The following ODF2L variants were observed in gnomAD, a reference collection of about 807,000 sequenced individuals.
The protein encoded by ODF2L is outer dense fiber of sperm tails 2 like, also known as protein BCAP.
ODF2L carries 76 observed loss-of-function variants against 86.3 expected under a neutral mutation model. The ratio of observed to expected loss-of-function variants is 0.88; its 90% confidence interval spans 0.73 to 1.07. The LOEUF (loss-of-function observed/expected upper bound fraction) is 1.07, where lower values mean the gene tolerates loss of function less well. Ranked by LOEUF, ODF2L falls within the 50% of genes least tolerant of loss-of-function variation. The pLI is 0.00. For missense variants in ODF2L, 748 were observed against 717.4 expected (o/e 1.04, Z -0.49); for synonymous variants, 241 against 231.3 (o/e 1.04, Z -0.38).
chr1:86,394,479 A>G (rs149704552), intron 1 of ODF2L, among the ~76,000 whole-genome samples: 2 of 152,292 alleles, frequency 1.3e-5, no homozygotes, highest in East Asian at 3.9e-4. Flanking sequence ...AAAGTAACAC[A>G]CAAACTTGCC....
intron 10 of ODF2L, among the ~76,000 whole-genome samples, chr1:86,370,594 C>T (rs1020771879): frequency 7.9e-5 from 12 of 152,002 alleles, no homozygotes; most frequent in African/African-American, 2.9e-4. Flanking sequence ...AAGCTTCTCC[C>T]CTGTCTCTCC....
exon 18 of ODF2L, chr1:86,350,411 T>C (rs1282223977): frequency 6.6e-6 from 1 of 152,168 alleles, no homozygotes; most frequent in Non-Finnish European, 1.5e-5. Flanking sequence ...GCTTCATCCA[T>C]GTCCCTGCAA....
At chr1:86,367,489 G>C (rs1227292712) in intron 11 of ODF2L, among the ~76,000 whole-genome samples, 1 of 150,070 alleles carries the variant, frequency 6.7e-6, no homozygotes, top group Non-Finnish European at 1.5e-5. Flanking sequence ...AAGGCCCAAA[G>C]TAGAAGAAAT....
chr1:86,350,105 T>G (rs751247418), exon 18 of ODF2L: 46 of 320,160 alleles, frequency 1.4e-4, no homozygotes, highest in Non-Finnish European at 2.0e-4. Context: ...CAGATCTTTA[T>G]TTTTTTTAAT....
chr1:86,377,019 C>T (rs1320004096), intron 7 of ODF2L, among the ~76,000 whole-genome samples: 1 of 152,230 alleles, frequency 6.6e-6, no homozygotes. Flanking sequence ...TCATCTGAGA[C>T]AAGGCAAGTC....
At chr1:86,362,674 C>A (rs1036892312) in intron 11 of ODF2L, among the ~76,000 whole-genome samples, 1 of 151,866 alleles carries the variant, frequency 6.6e-6, no homozygotes, top group East Asian at 1.9e-4. Context: ...CTTTTCTTTT[C>A]TTTTTGAGGC....
chr1:86,373,760 T>C (rs1659978412), intron 8 of ODF2L, among the ~76,000 whole-genome samples: 1 of 152,156 alleles, frequency 6.6e-6, no homozygotes, highest in Non-Finnish European at 1.5e-5. Context: ...TTTGCTATAA[T>C]GACGCCAAGA....
At chr1:86,362,124 A>T (rs1659079885) in intron 11 of ODF2L, among the ~76,000 whole-genome samples, 1 of 152,124 alleles carries the variant, frequency 6.6e-6, no homozygotes, top group Admixed American at 6.6e-5. Flanking sequence ...AGGTAGAAAT[A>T]GAGAAAAAAG....
intron 7 of ODF2L, among the ~76,000 whole-genome samples, chr1:86,378,260 C>T (rs998483614): frequency 6.6e-6 from 1 of 152,194 alleles, no homozygotes; most frequent in African/African-American, 2.4e-5. Flanking sequence ...AGTTCCTCAT[C>T]TCTATCTGAG....
At chr1:86,387,980 ATTAT>A (rs1558063394) in intron 1 of ODF2L, among the ~76,000 whole-genome samples, 1 of 152,088 alleles carries the variant, frequency 6.6e-6, no homozygotes, top group East Asian at 1.9e-4. Flanking sequence ...CAGGTTGAAG[ATTAT>A]TTAAATTAGC....
At chr1:86,390,049 C>T (rs1661209511) in intron 1 of ODF2L, among the ~76,000 whole-genome samples, 1 of 152,138 alleles carries the variant, frequency 6.6e-6, no homozygotes, top group Non-Finnish European at 1.5e-5. Context: ...AAACCAGTAT[C>T]ACCCTAATGC....
At chr1:86,361,530 C>G (rs192703634) in intron 11 of ODF2L, among the ~76,000 whole-genome samples, 5 of 152,160 alleles carry the variant, frequency 3.3e-5, no homozygotes, top group African/African-American at 1.2e-4. Context: ...AGAGCACTCT[C>G]AAGAGAAGCC....
chr1:86,370,641 G>A (rs1162389388), intron 10 of ODF2L, among the ~76,000 whole-genome samples: 1 of 152,092 alleles, frequency 6.6e-6, no homozygotes, highest in Non-Finnish European at 1.5e-5. Context: ...CCTTGGATAT[G>A]AGTAAGTTGG....
intron 14 of ODF2L, chr1:86,355,233 T>A (rs1658450988): frequency 2.8e-6 from 2 of 721,494 alleles, no homozygotes; most frequent in Non-Finnish European, 4.7e-6. Context: ...TGGTTTTCTG[T>A]TTCACCTAAA....
rs1658419960 is a variant in ODF2L, at chr1:86,354,873, A to T, written c.1519-14T>A. 7 of 1,506,752 alleles carry T rather than the reference A, an allele frequency of 4.6e-6. No homozygotes were observed. The South Asian group carries it at 8.4e-5, about 18-fold the overall frequency. The allele number at this position is 1,506,752 out of a possible 1,614,324, so 93.3% of individuals were successfully genotyped here. On this transcript the variant is annotated splice_polypyrimidine_tract_variant and intron_variant, in intron 14 of 17. Transcript: ENST00000317336. ...ATTTCCATCAACCTAAAAGAAAAAAAAAAGTTTTCTTAGTCATTTTCTTCA... is the reference window on the plus strand; with the variant it reads ...ATTTCCATCAACCTAAAAGAAAAAATAAAGTTTTCTTAGTCATTTTCTTCA...
At chr1:86,389,719 C>G (rs1430166392) in intron 1 of ODF2L, among the ~76,000 whole-genome samples, 1 of 152,104 alleles carries the variant, frequency 6.6e-6, no homozygotes, top group East Asian at 1.9e-4. Flanking sequence ...CTACAACTGA[C>G]ACTACAGAAA....
intron 11 of ODF2L, among the ~76,000 whole-genome samples, chr1:86,366,155 G>A (rs968429372): frequency 7.2e-5 from 11 of 151,896 alleles, no homozygotes; most frequent in Admixed American, 2.6e-4. Context: ...CTCCTGTTTC[G>A]TTAGTCTTTT....
At chr1:86,376,197 A>G (rs918277575) in intron 8 of ODF2L, 36 bp downstream of exon 8, 16 of 1,191,270 alleles carry the variant, frequency 1.3e-5, no homozygotes, top group Non-Finnish European at 1.8e-5. Flanking sequence ...CGTACATAAT[A>G]GATCTTTTAA....
chr1:86,367,490 T>C (rs892278437), intron 11 of ODF2L, among the ~76,000 whole-genome samples: 1 of 146,878 alleles, frequency 6.8e-6, no homozygotes, highest in African/African-American at 2.5e-5. Flanking sequence ...AGGCCCAAAG[T>C]AGAAGAAATC....
Sources: allele counts gnomAD v4.1 joint callset (sites outside exome capture counted in the v4.1 genomes callset), GRCh38; gene constraint gnomAD v4.1.1; transcripts MANE v1.5; gene names NCBI Gene and HGNC (gene_info 2026-07-23, HGNC 2026-07-21).